The following TNFRSF10B variants were observed in gnomAD, a reference collection of about 807,000 sequenced individuals.
TNFRSF10B encodes tumor necrosis factor receptor superfamily member 10B.
Under a neutral mutation model 41.4 loss-of-function variants are expected in TNFRSF10B, and 35 were observed. The observed-to-expected ratio is 0.85, with a 90% CI of 0.65 to 1.12. The LOEUF is 1.12. Ranked by LOEUF, TNFRSF10B falls within the 50% of genes most tolerant of loss-of-function variation. The probability of loss-of-function intolerance (pLI) is 0.00; values close to 1 mark genes in which losing one functional copy is unlikely to be tolerated. For synonymous variants in TNFRSF10B, 230 were observed against 215.5 expected (o/e 1.07, Z -0.59); for missense variants, 584 against 552.7 (o/e 1.06, Z -0.57).
Position 23,028,521 on chromosome 8 carries a change from C to T in TNFRSF10B, c.558G>A (p.Lys186=), listed in dbSNP as rs777735062. The T allele has an allele frequency of 1.9e-6, 3 of 1,613,996 alleles. No homozygotes were observed. The highest frequency in any genetic ancestry group is 2.5e-6 in the Non-Finnish European group (3 of 1,179,992). The change falls in exon 5 of 9, where the codon AAG becomes AAA. Residue 186 remains lysine (K), a synonymous_variant. Transcript: ENST00000276431. ...CCACAGCTGGGACTTCCCCACTGTG[C>T]TTTGTACCTGATTCTTTGTGGACAC... ...IECVHKESGT[K]HSGEVPAVEE...
chr8:23,049,009 A>G (rs1322543281), intron 1 of TNFRSF10B, among the ~76,000 whole-genome samples: 1 of 152,246 alleles, frequency 6.6e-6, no homozygotes, highest in Non-Finnish European at 1.5e-5. Flanking sequence ...AAGCACATGA[A>G]AAGATGCTCA....
rs1298985188 is a variant in TNFRSF10B at position 23,053,957 on chromosome 8, T to C, written c.145-10714A>G. On this transcript the variant is annotated intron_variant, in intron 1 of 8. Transcript: ENST00000276431. ...TGTATGTTATCATTAATAATTATAATTGTTATGTTAAAATTATTGTGTGCC... is the reference window on the plus strand; with the variant it reads ...TGTATGTTATCATTAATAATTATAACTGTTATGTTAAAATTATTGTGTGCC... Among the ~76,000 whole-genome samples, 3 of 152,212 alleles carry C rather than the reference T, an allele frequency of 2.0e-5. No homozygotes were observed. In the East Asian group the frequency reaches 5.8e-4, roughly 29 times the overall value.
At chr8:23,033,332 C>A (rs1253963258) in intron 2 of TNFRSF10B, among the ~76,000 whole-genome samples, 1 of 152,044 alleles carries the variant, frequency 6.6e-6, no homozygotes. Context: ...CGCCTGTAAT[C>A]CCAGCACTCT....
chr8:23,063,239 T>C (rs893089026), intron 1 of TNFRSF10B, among the ~76,000 whole-genome samples: 2 of 151,826 alleles, frequency 1.3e-5, no homozygotes, highest in Non-Finnish European at 2.9e-5. Context: ...TCCCAGCTGT[T>C]CAGGAGGCTG....
chr8:23,045,234 A>T (rs1293053022), intron 1 of TNFRSF10B, among the ~76,000 whole-genome samples: 4 of 145,720 alleles, frequency 2.7e-5, no homozygotes, highest in African/African-American at 5.1e-5. Flanking sequence ...TGTCTCAAAT[A>T]AAAAAAAAAA....
chr8:23,022,399 C>T lies in TNFRSF10B; in HGVS notation c.*272G>A, dbSNP rs1334567177. On this transcript the variant is annotated 3_prime_UTR_variant, in exon 9 of 9. Coordinates refer to ENST00000276431, the MANE Select transcript of TNFRSF10B (RefSeq NM_003842.5). ...TAAAAAAGTGCTGTGAAAACAATGA[C>T]ATCCCAAACCAAATCTCAAAGTACG... 2 of 593,304 alleles carry T rather than the reference C, an allele frequency of 3.4e-6. No homozygotes were observed. Among genetic ancestry groups the T allele is most frequent in the South Asian group, 1.5e-5 (1 of 65,772 alleles). The allele number at this position is 593,304 out of a possible 1,614,324, so 36.8% of individuals were successfully genotyped here.
At chr8:23,045,198 C>A (rs1171034495) in intron 1 of TNFRSF10B, among the ~76,000 whole-genome samples, 1 of 151,706 alleles carries the variant, frequency 6.6e-6, no homozygotes, top group African/African-American at 2.4e-5. Flanking sequence ...ACACTGCACT[C>A]CAGCCTGGGC....
At chr8:23,066,967 T>C (rs1813004076) in intron 1 of TNFRSF10B, among the ~76,000 whole-genome samples, 1 of 151,052 alleles carries the variant, frequency 6.6e-6, no homozygotes, top group South Asian at 2.1e-4. Context: ...AACATAACTC[T>C]GTTGTGGCTT....
rs1811560261 is a variant in TNFRSF10B at position 23,022,393 on chromosome 8, C to T, written c.*278G>A. 1 of 581,134 alleles carries T rather than the reference C, an allele frequency of 1.7e-6. No individual in the cohort carries two copies. The highest frequency in any genetic ancestry group is 3.2e-6 in the Non-Finnish European group (1 of 309,982). 36.0% of individuals were successfully genotyped at this position (581,134 alleles called of 1,614,324 possible). A position where few individuals can be genotyped will look rare whatever the true frequency, so the allele number is the denominator to read the frequency against. On this transcript the variant is annotated 3_prime_UTR_variant, in exon 9 of 9. Transcript: ENST00000276431. ...TTAGGATAAAAAAGTGCTGTGAAAA[C>T]AATGACATCCCAAACCAAATCTCAA...
Position 23,022,816 on chromosome 8 carries a change from G to C in TNFRSF10B, c.1178C>G (p.Thr393Ser), listed in dbSNP as rs947473456. The change falls in exon 9 of 9, where the codon ACC becomes AGC. Residue 393 changes from threonine (T) to serine (S), a missense_variant. By Grantham distance (58) the Thr-to-Ser change is moderately conservative. Coordinates refer to ENST00000276431, the MANE Select transcript of TNFRSF10B (RefSeq NM_003842.5). ...GGTGTGGACAGAGGCATCTCGCCCG[G>C]TTTTGTTGACCCACTTTATCAGCAT... is the stretch of plus-strand genomic sequence containing the variant. ...YTMLIKWVNK[T>S]GRDASVHTLL... 6.2e-7 allele frequency: 1 copy of C among 1,613,800 alleles called. No homozygotes were observed. The highest frequency in any genetic ancestry group is 8.5e-7 in the Non-Finnish European group (1 of 1,179,898).
intron 1 of TNFRSF10B, among the ~76,000 whole-genome samples, chr8:23,052,110 TTAAAA>T (rs1383734479): frequency 6.6e-6 from 1 of 152,046 alleles, no homozygotes; most frequent in Non-Finnish European, 1.5e-5. Context: ...GGGTAAATGA[TTAAAA>T]TAAATAATTA....
intron 1 of TNFRSF10B, 48 bp from the exon 2 acceptor site, chr8:23,043,291 C>T: frequency 6.7e-7 from 1 of 1,489,770 alleles, no homozygotes; most frequent in Non-Finnish European, 9.3e-7. Context: ...CAGACCTCAC[C>T]CCTCCCAGGA....
intron 1 of TNFRSF10B, among the ~76,000 whole-genome samples, chr8:23,066,441 C>T (rs1812981520): frequency 6.6e-6 from 1 of 152,008 alleles, no homozygotes; most frequent in Admixed American, 6.6e-5. Flanking sequence ...CTTGAAGAGC[C>T]CTCACAGGGA....
chr8:23,021,111 G>A lies in TNFRSF10B; in HGVS notation c.*1560C>T, dbSNP rs1274921439. On this transcript the variant is annotated 3_prime_UTR_variant, in exon 9 of 9. Transcript: ENST00000276431. ...CCAAAAACTCCTGGAATGACTACCT[G>A]CATAAATGATCCTTCCATGACTGAA... 2.2e-6 allele frequency: 1 copy of A among 454,002 alleles called. No individual in the cohort carries two copies. Among genetic ancestry groups the A allele is most frequent in the Non-Finnish European group, 4.4e-6 (1 of 226,810 alleles). The allele number at this position is 454,002 out of a possible 1,614,324, so 28.1% of individuals were successfully genotyped here. A position where few individuals can be genotyped will look rare whatever the true frequency, so the allele number is the denominator to read the frequency against.
In TNFRSF10B at chr8:23,022,843, G is replaced by T. The variant is rs201130588; in HGVS notation, c.1151C>A (p.Thr384Lys). The change falls in exon 9 of 9, where the codon ACG (threonine) becomes AAG (lysine). Residue 384 changes from threonine to lysine, a missense_variant. Physicochemically the swap from Thr to Lys is moderately conservative, Grantham distance 78. Transcript: ENST00000276431. ...TTTGTTGACCCACTTTATCAGCATC[G>T]TGTACAAGGTGTCCCTGTGGCCCGC... ...EAAGHRDTLY[T>K]MLIKWVNKTG... 6.2e-7 allele frequency: 1 copy of T among 1,613,990 alleles called. No homozygotes were observed. The highest frequency in any genetic ancestry group is 8.5e-7 in the Non-Finnish European group (1 of 1,180,038).
chr8:23,037,369 C>T (rs1812057219), intron 2 of TNFRSF10B, among the ~76,000 whole-genome samples: 1 of 152,204 alleles, frequency 6.6e-6, no homozygotes, highest in Non-Finnish European at 1.5e-5. Flanking sequence ...TAGCACCATT[C>T]AGAGGGTCAG....
intron 1 of TNFRSF10B, among the ~76,000 whole-genome samples, chr8:23,065,488 G>C (rs550939046): frequency 1.3e-5 from 2 of 152,292 alleles, no homozygotes; most frequent in South Asian, 4.2e-4. Flanking sequence ...AAGCCACCCA[G>C]GGAAGGAGAG....
rs541314147 is a variant in TNFRSF10B, at chr8:23,064,507, A to G, written c.144+4244T>C. 7.2e-5 allele frequency among the ~76,000 whole-genome samples: 11 copies of G among 152,202 alleles called. No individual in the cohort carries two copies. In the South Asian group the frequency reaches 1.7e-3, roughly 23 times the overall value. ...CAGAAATGGGCTCATGGGGGTGTCCATGGGCATGGTTAAGAGAGAGAAGGA... is the reference window on the plus strand; with the variant it reads ...CAGAAATGGGCTCATGGGGGTGTCCGTGGGCATGGTTAAGAGAGAGAAGGA... On this transcript the variant is annotated intron_variant, in intron 1 of 8. Transcript: ENST00000276431.
intron 1 of TNFRSF10B, among the ~76,000 whole-genome samples, chr8:23,048,297 G>A (rs552539085): frequency 1.3e-4 from 20 of 152,120 alleles, no homozygotes; most frequent in East Asian, 3.9e-4. Context: ...TTAGCTGGGC[G>A]TGGTGGTGGG....
Sources: gnomAD v4.1 joint callset for allele counts (sites outside exome capture counted in the v4.1 genomes callset) on GRCh38, gnomAD v4.1.1 for gene constraint, MANE v1.5 for transcripts, NCBI Gene and HGNC (gene_info 2026-07-23, HGNC 2026-07-21) for gene names.